FAM72B: variants seen among roughly 807,000 people sequenced by gnomAD.
The protein encoded by FAM72B is RUMY family member 2, also known as protein FAM72B.
Under a neutral mutation model 12.6 loss-of-function variants are expected in FAM72B, and 4 were observed. The ratio of observed to expected loss-of-function variants is 0.32; its 90% CI spans 0.16 to 0.73. FAM72B has a LOEUF of 0.73. Among genes scored for constraint, FAM72B ranks in the 30% least tolerant of loss-of-function variants. The pLI is 0.67. For synonymous variants in FAM72B, 13 were observed against 53.9 expected, an observed-to-expected ratio of 0.24 and a Z score of 3.32; for missense variants, 61 against 158.4, an observed-to-expected ratio of 0.39 and a Z score of 3.30.
intron 2 of FAM72B, among the ~76,000 whole-genome samples, chr1:121,179,727 C>G (rs1654292058): frequency 7.0e-6 from 1 of 143,136 alleles, no homozygotes; most frequent in Admixed American, 7.0e-5. Flanking sequence ...ACTCAGGAGG[C>G]TGAGGCAGGA....
chr1:121,182,195 C>T (rs1350943824), intron 1 of FAM72B, among the ~76,000 whole-genome samples: 1 of 150,924 alleles, frequency 6.6e-6, no homozygotes, highest in Admixed American at 6.6e-5. Flanking sequence ...ACGATGTACA[C>T]ACACACAAAT....
intron 2 of FAM72B, among the ~76,000 whole-genome samples, chr1:121,178,622 T>C (rs1284931920): frequency 3.7e-4 from 53 of 143,120 alleles, no homozygotes; most frequent in African/African-American, 1.4e-3. Context: ...CATTCATCCA[T>C]TGATTCATCA....
At chr1:121,170,121 C>T (rs587712103) in intron 3 of FAM72B, among the ~76,000 whole-genome samples, 2 of 152,152 alleles carry the variant, frequency 1.3e-5, no homozygotes, top group East Asian at 1.9e-4. Flanking sequence ...CAGGCAAATG[C>T]CACCATGCCT....
At position 121,167,657 on chromosome 1, in the gene FAM72B, T is replaced by A. The variant is rs1653993856; in HGVS notation, c.*1084A>T. Reference sequence around the variant, plus strand: ...TTAGCCTTATATTCTATACTTTAAGTACTATTTATTTATATTTTTACATAC... The same window carrying A: ...TTAGCCTTATATTCTATACTTTAAGAACTATTTATTTATATTTTTACATAC... On this transcript the variant is annotated 3_prime_UTR_variant, in exon 4 of 4. Transcript: ENST00000369390. 1 of 150,494 alleles carries A rather than the reference T, an allele frequency of 6.6e-6. No individual in the cohort carries two copies. Among genetic ancestry groups the A allele is most frequent in the Non-Finnish European group, 1.5e-5 (1 of 67,696 alleles). The allele number at this position is 150,494 out of a possible 1,614,324, so 9.3% of individuals were successfully genotyped here. A position where few individuals can be genotyped will look rare whatever the true frequency, so the allele number is the denominator to read the frequency against.
intron 3 of FAM72B, among the ~76,000 whole-genome samples, chr1:121,171,863 A>C (rs1418456139): frequency 1.2e-5 from 1 of 84,934 alleles, no homozygotes; most frequent in African/African-American, 5.5e-5. Flanking sequence ...AATCAAATCT[A>C]CAAAAATCTA....
chr1:121,168,737 C>T lies in FAM72B; in HGVS notation c.*4G>A, dbSNP rs1448620659. On this transcript the variant is annotated 3_prime_UTR_variant, in exon 4 of 4. Coordinates refer to ENST00000369390, the MANE Select transcript of FAM72B (RefSeq NM_001100910.2). ...TTTGTATATCATATATATCATAATTCCATTTATCTAATACACTCCTCTGCT... is the reference window on the plus strand; with the variant it reads ...TTTGTATATCATATATATCATAATTTCATTTATCTAATACACTCCTCTGCT... 1.3e-6 allele frequency: 2 copies of T among 1,549,732 alleles called. No individual in the cohort carries two copies. The highest frequency in any genetic ancestry group is 2.3e-5 in the East Asian group (1 of 43,790).
At position 121,183,530 on chromosome 1, in the gene FAM72B, A is replaced by G. The variant is rs1654384659; in HGVS notation, c.-41T>C. The G allele has an allele frequency of 1.3e-6, 2 of 1,595,300 alleles. No individual in the cohort carries two copies. The highest frequency in any genetic ancestry group is 4.5e-5 in the East Asian group (2 of 44,778). ...ATGAGGTGTGGGATTTTGAAAAAGG[A>G]AACAAGAGTAATGCTCCTACTATTT... is the stretch of plus-strand genomic sequence containing the variant. On this transcript the variant is annotated 5_prime_UTR_variant, in exon 1 of 4. Transcript: ENST00000369390.
intron 1 of FAM72B, 157 bp downstream of exon 1, chr1:121,183,181 A>G: frequency 3.9e-6 from 1 of 255,084 alleles, no homozygotes. Context: ...TTGTCCAGAC[A>G]GTCTGCCCAC....
intron 3 of FAM72B, among the ~76,000 whole-genome samples, chr1:121,170,292 G>A: frequency 8.4e-6 from 1 of 118,514 alleles, no homozygotes. Flanking sequence ...ATCTTAAGCT[G>A]TCCAGTTATC....
chr1:121,179,272 G>T (rs1393452956), intron 2 of FAM72B, among the ~76,000 whole-genome samples: 2 of 150,362 alleles, frequency 1.3e-5, no homozygotes, highest in African/African-American at 4.9e-5. Context: ...CAGCTACTCG[G>T]GAGGCAGAGG....
intron 3 of FAM72B, among the ~76,000 whole-genome samples, chr1:121,174,245 T>A (rs1428535671): frequency 6.6e-6 from 1 of 150,752 alleles, no homozygotes; most frequent in Non-Finnish European, 1.5e-5. Flanking sequence ...GCCATTTCTA[T>A]AACATACAAG....
chr1:121,179,703 C>T (rs587625000), intron 2 of FAM72B, among the ~76,000 whole-genome samples: 100 of 146,536 alleles, frequency 6.8e-4, no homozygotes, highest in African/African-American at 2.3e-3. Flanking sequence ...TGGTGCGTGC[C>T]TGTAGTCTCA....
Position 121,168,729 on chromosome 1 carries a change from T to A in FAM72B, c.*12A>T, listed in dbSNP as rs1553315714. The A allele has an allele frequency of 6.5e-7, 1 of 1,538,222 alleles. No individual in the cohort carries two copies. Among genetic ancestry groups the A allele is most frequent in the Non-Finnish European group, 8.7e-7 (1 of 1,146,514 alleles). ...GAAAAAAGTTTGTATATCATATATA[T>A]CATAATTCCATTTATCTAATACACT... is the stretch of plus-strand genomic sequence containing the variant. On this transcript the variant is annotated 3_prime_UTR_variant, in exon 4 of 4. Coordinates refer to ENST00000369390, the MANE Select transcript of FAM72B (RefSeq NM_001100910.2).
chr1:121,179,909 C>T (rs1654297271), intron 2 of FAM72B, among the ~76,000 whole-genome samples: 1 of 139,356 alleles, frequency 7.2e-6, no homozygotes, highest in Admixed American at 7.0e-5. Context: ...TATTTCCAGC[C>T]CTTGTAACAA....
rs1163326481 is a variant in FAM72B at position 121,183,628 on chromosome 1, A to C, written c.-139T>G. On this transcript the variant is annotated 5_prime_UTR_variant, in exon 1 of 4. Transcript: ENST00000369390. ...AAGTCCTAATATTGGGAAGGAAATTAGTTTTTTTTTTCTGTTTTCCCGGTG... is the reference window on the plus strand; with the variant it reads ...AAGTCCTAATATTGGGAAGGAAATTCGTTTTTTTTTTCTGTTTTCCCGGTG... 1.0e-5 allele frequency: 16 copies of C among 1,562,128 alleles called. No individual in the cohort carries two copies. The highest frequency in any genetic ancestry group is 4.2e-5 in the African/African-American group (3 of 72,198).
intron 3 of FAM72B, among the ~76,000 whole-genome samples, chr1:121,170,025 G>A (rs1212358053): frequency 2.0e-5 from 3 of 151,934 alleles, no homozygotes; most frequent in Admixed American, 6.6e-5. Context: ...GGCTGGAGAC[G>A]AGTGGTGTAA....
chr1:121,177,506 G>GCTTTTAAAGCA (rs1654241742), intron 2 of FAM72B, among the ~76,000 whole-genome samples, 174 bp from the exon 3 acceptor site: 2 of 138,498 alleles, frequency 1.4e-5, no homozygotes, highest in South Asian at 5.0e-4. Flanking sequence ...TGGGAAAGCA[G>GCTTTTAAAGCA]TCTTTAAGTG....
chr1:121,172,744 C>A (rs1400086651), intron 3 of FAM72B, among the ~76,000 whole-genome samples: 1 of 89,544 alleles, frequency 1.1e-5, no homozygotes, highest in Non-Finnish European at 2.0e-5. Context: ...GCCTGGGTGA[C>A]AGAATGACTC....
chr1:121,174,704 CTT>C (rs1654176076), intron 3 of FAM72B, among the ~76,000 whole-genome samples: 1 of 146,718 alleles, frequency 6.8e-6, no homozygotes, highest in Admixed American at 6.8e-5. Context: ...GAGTTTCACT[CTT>C]GGTGCAATGG....
Sources: allele counts gnomAD v4.1 joint callset (sites outside exome capture counted in the v4.1 genomes callset), GRCh38; gene constraint gnomAD v4.1.1; transcripts MANE v1.5; gene names NCBI Gene and HGNC (gene_info 2026-07-23, HGNC 2026-07-21).